Variants in SGCD observed in about 807,000 individuals in gnomAD.
The protein encoded by SGCD is sarcoglycan delta.
A neutral mutation model predicts 36.6 loss-of-function variants in SGCD; 18 were observed. That is an observed-to-expected ratio of 0.49 (90% confidence interval 0.34 to 0.73). The LOEUF (loss-of-function observed/expected upper bound fraction) is 0.73, where lower values mean the gene tolerates loss of function less well. Ranked by LOEUF, SGCD falls within the 30% of genes least tolerant of loss-of-function variation. SGCD has a pLI of 0.01. For missense variants in SGCD, 387 were observed against 346.7 expected, an observed-to-expected ratio of 1.12 and a Z score of -0.92; for synonymous variants, 133 against 130.6, an observed-to-expected ratio of 1.02 and a Z score of -0.12.
intron 3 of SGCD, among the ~76,000 whole-genome samples, chr5:156,297,791 A>AAAAAAAAT (rs372230955): frequency 6.9e-6 from 1 of 144,268 alleles, no homozygotes; most frequent in Non-Finnish European, 1.5e-5. Flanking sequence ...GTATAATAAA[A>AAAAAAAAT]AAATAAATAA....
rs1258553880 is a variant in SGCD, at chr5:156,051,759, T to G, written c.-281-66119T>G. 5.5e-5 allele frequency among the ~76,000 whole-genome samples: 8 copies of G among 145,092 alleles called. 3 individuals are homozygous for G. The highest frequency in any genetic ancestry group is 4.4e-4 in the South Asian group (2 of 4,564). ...AACAAGCATAGTGCAATAGGAAGGC[T>G]TAGGAAGGAGATTGAAGAGTTTTCT... On this transcript the variant is annotated intron_variant, in intron 1 of 9. Transcript: ENST00000517913.
chr5:155,889,691 A>T (rs1047130364), intron 1 of SGCD, among the ~76,000 whole-genome samples: 5 of 152,308 alleles, frequency 3.3e-5, no homozygotes, highest in Admixed American at 6.5e-5. Flanking sequence ...GTAGTCAGGG[A>T]CCTGCTCTCT....
At chr5:156,365,643 C>G (rs1456715039) in intron 3 of SGCD, among the ~76,000 whole-genome samples, 1 of 152,048 alleles carries the variant, frequency 6.6e-6, no homozygotes, top group African/African-American at 2.4e-5. Context: ...CAGATATACA[C>G]AGAAGTATTT....
At chr5:156,600,230 C>A (rs1454972900) in intron 6 of SGCD, among the ~76,000 whole-genome samples, 1 of 152,132 alleles carries the variant, frequency 6.6e-6, no homozygotes, top group Non-Finnish European at 1.5e-5. Flanking sequence ...TGTAGTCACC[C>A]TCCTGCACAA....
intron 3 of SGCD, among the ~76,000 whole-genome samples, chr5:156,431,560 C>T (rs1436648803): frequency 2.6e-5 from 4 of 152,122 alleles, no homozygotes; most frequent in African/African-American, 9.7e-5. Flanking sequence ...TATGTCTCTG[C>T]TGTAAGAAAC....
At chr5:155,753,689 A>C in the SGCD span, among the ~76,000 whole-genome samples, 1 of 152,194 alleles carries the variant, frequency 6.6e-6, no homozygotes, top group Non-Finnish European at 1.5e-5. Flanking sequence ...CCCATTTCCT[A>C]GTAGCCTGTG....
At chr5:155,935,875 G>T (rs1291832443) in intron 1 of SGCD, among the ~76,000 whole-genome samples, 1 of 152,204 alleles carries the variant, frequency 6.6e-6, no homozygotes, top group Non-Finnish European at 1.5e-5. Context: ...TGTCAGGGGT[G>T]TGTGAGCGAG....
At chr5:156,104,135 T>C (rs944461144) in intron 1 of SGCD, among the ~76,000 whole-genome samples, 14 of 152,106 alleles carry the variant, frequency 9.2e-5, no homozygotes, top group Admixed American at 9.2e-4. Context: ...CTAATTAAAT[T>C]TCTCTCTGGA....
the SGCD span, among the ~76,000 whole-genome samples, chr5:155,813,651 C>T: frequency 2.6e-5 from 4 of 152,136 alleles, no homozygotes; most frequent in African/African-American, 9.7e-5. Context: ...TAGGTTGACT[C>T]TATAACCTCA....
At chr5:155,857,428 C>T in the SGCD span, among the ~76,000 whole-genome samples, 1 of 152,100 alleles carries the variant, frequency 6.6e-6, no homozygotes, top group African/African-American at 2.4e-5. Flanking sequence ...TGTGATCTAT[C>T]CATGAAATGA....
chr5:155,870,651 A>G (rs1368866190), intron 1 of SGCD, among the ~76,000 whole-genome samples: 2 of 152,176 alleles, frequency 1.3e-5, no homozygotes, highest in Non-Finnish European at 2.9e-5. Flanking sequence ...CTTAAAAATG[A>G]ACTATTTTTC....
Position 156,153,253 on chromosome 5 carries a change from G to GTT in SGCD, c.-44+29246_-44+29247dup, listed in dbSNP as rs80302793. Among the ~76,000 whole-genome samples, 12 of 141,182 alleles carry GTT rather than the reference G, an allele frequency of 8.5e-5. No individual in the cohort carries two copies. The East Asian group carries it at 1.4e-3, about 17-fold the overall frequency. The allele number at this position is 141,182 out of a possible 152,430, so 92.6% of individuals were successfully genotyped here. On this transcript the variant is annotated intron_variant, in intron 3 of 9. Coordinates refer to the SGCD transcript ENST00000517913. ...CAAAATCAAGTGAGTAAAAAATGTTGTTTTTTTTTTTTTCCTGGGAAAAAT... is the reference window on the plus strand; with the variant it reads ...CAAAATCAAGTGAGTAAAAAATGTTGTTTTTTTTTTTTTTTCCTGGGAAAAAT...
intron 3 of SGCD, among the ~76,000 whole-genome samples, chr5:156,218,341 GA>G (rs1764629633): frequency 6.6e-6 from 1 of 151,890 alleles, no homozygotes; most frequent in African/African-American, 2.4e-5. Flanking sequence ...CTCTTTGGGG[GA>G]AAAAAGAGAA....
In SGCD at chr5:156,726,213, T is replaced by C. The variant is rs530956168; in HGVS notation, c.576-31368T>C. Among the ~76,000 whole-genome samples the C allele has an allele frequency of 3.9e-5, 6 of 152,330 alleles. No homozygotes were observed. In the East Asian group the frequency reaches 1.2e-3, roughly 29 times the overall value. ...TCAGAGACCTTGCCTATTACAATAA[T>C]TATGAGGAGGGTCAGCCTCAGACCC... On this transcript the variant is annotated intron_variant, in intron 7 of 8. Transcript: ENST00000337851.
chr5:156,360,433 A>C (rs1455471321), intron 3 of SGCD, among the ~76,000 whole-genome samples: 1 of 152,014 alleles, frequency 6.6e-6, no homozygotes, highest in African/African-American at 2.4e-5. Flanking sequence ...TTTTTAGTAG[A>C]GATGGGGTTT....
At chr5:156,086,844 G>T (rs865832780) in intron 1 of SGCD, among the ~76,000 whole-genome samples, 40 of 152,328 alleles carry the variant, frequency 2.6e-4, no homozygotes, top group African/African-American at 9.6e-4. Context: ...AGGGTATTTG[G>T]TTACAACTCT....
At chr5:155,800,369 G>A in the SGCD span, among the ~76,000 whole-genome samples, 2 of 152,116 alleles carry the variant, frequency 1.3e-5, no homozygotes, top group Non-Finnish European at 2.9e-5. Context: ...ACAGGTGTAT[G>A]ATATACTCTC....
At chr5:155,948,198 A>T (rs1340395645) in intron 1 of SGCD, among the ~76,000 whole-genome samples, 1 of 152,080 alleles carries the variant, frequency 6.6e-6, no homozygotes, top group African/African-American at 2.4e-5. Context: ...CATTTCTTGA[A>T]ATCTGGAGGC....
rs567450654 is a variant in SGCD, at chr5:156,714,091, C to G, written c.576-43490C>G. Among the ~76,000 whole-genome samples, 4 of 152,324 alleles carry G rather than the reference C, an allele frequency of 2.6e-5. No individual in the cohort carries two copies. The South Asian group carries it at 8.3e-4, about 32-fold the overall frequency. On this transcript the variant is annotated intron_variant, in intron 7 of 8. Coordinates refer to ENST00000337851, the MANE Select transcript of SGCD (RefSeq NM_000337.6). ...CACAAATTCCATACTTGTGAATTTG[C>G]CTGTTTCTAAACTTTATTTGTAACC...
Sources: allele counts gnomAD v4.1 joint callset (sites outside exome capture counted in the v4.1 genomes callset), GRCh38; gene constraint gnomAD v4.1.1; transcripts MANE v1.5; gene names NCBI Gene and HGNC (gene_info 2026-07-23, HGNC 2026-07-21).